The following PRKN variants were observed in gnomAD, a reference collection of about 807,000 sequenced individuals.
PRKN encodes parkin RBR E3 ubiquitin protein ligase.
In PRKN, 56 loss-of-function variants were observed where a neutral mutation model predicts 59.5. The ratio of observed to expected loss-of-function variants is 0.94; its 90% CI spans 0.76 to 1.18. PRKN has a LOEUF of 1.18. Among genes scored for constraint, PRKN ranks in the 50% most tolerant of loss-of-function variants. The pLI is 0.00. For missense variants in PRKN, 657 were observed against 596.4 expected (o/e 1.10, Z -1.06); for synonymous variants, 250 against 222.1 (o/e 1.13, Z -1.12).
chr6:162,202,285 A>G (rs1231378343), intron 3 of PRKN, among the ~76,000 whole-genome samples: 1 of 152,088 alleles, frequency 6.6e-6, no homozygotes, highest in Non-Finnish European at 1.5e-5. Context: ...AAAAATAATG[A>G]AAAAAATGAG....
At chr6:162,369,507 C>A (rs1266222838) in intron 2 of PRKN, among the ~76,000 whole-genome samples, 5 of 152,142 alleles carry the variant, frequency 3.3e-5, no homozygotes, top group African/African-American at 1.2e-4. Flanking sequence ...GTGGGTGATA[C>A]AATTGTACAC....
intron 1 of PRKN, among the ~76,000 whole-genome samples, chr6:162,516,033 C>A (rs1777839538): frequency 6.6e-6 from 1 of 152,212 alleles, no homozygotes; most frequent in South Asian, 2.1e-4. Context: ...CCCCAGTAAG[C>A]TGCTTCTTTG....
At chr6:161,985,392 A>G (rs1781398870) in intron 5 of PRKN, among the ~76,000 whole-genome samples, 1 of 152,136 alleles carries the variant, frequency 6.6e-6, no homozygotes, top group Non-Finnish European at 1.5e-5. Context: ...AACATGGAAT[A>G]TTTCCTTTTG....
chr6:162,689,248 T>C (rs944253953), intron 1 of PRKN, among the ~76,000 whole-genome samples: 3 of 152,220 alleles, frequency 2.0e-5, no homozygotes, highest in Admixed American at 1.3e-4. Flanking sequence ...GAGGGCATCA[T>C]TCTTACTGAA....
At chr6:162,032,303 C>A (rs1408860638) in intron 5 of PRKN, among the ~76,000 whole-genome samples, 2 of 151,986 alleles carry the variant, frequency 1.3e-5, no homozygotes, top group Non-Finnish European at 2.9e-5. Context: ...AACCACCAAG[C>A]AAAAACAAGG....
At chr6:161,564,239 A>G (rs1320152503) in intron 8 of PRKN, among the ~76,000 whole-genome samples, 1 of 152,186 alleles carries the variant, frequency 6.6e-6, no homozygotes, top group Non-Finnish European at 1.5e-5. Flanking sequence ...CCTAGAGGCC[A>G]GTAGGTCTTG....
intron 5 of PRKN, among the ~76,000 whole-genome samples, chr6:162,042,736 C>T (rs776214101): frequency 1.3e-5 from 2 of 152,144 alleles, no homozygotes; most frequent in Non-Finnish European, 2.9e-5. Flanking sequence ...AAAGTGTCTT[C>T]ATATATTGTA....
At chr6:162,382,712 T>C (rs927365191) in intron 2 of PRKN, among the ~76,000 whole-genome samples, 8 of 152,216 alleles carry the variant, frequency 5.3e-5, no homozygotes, top group Non-Finnish European at 8.8e-5. Context: ...GCTGCACTGA[T>C]TGGCTCTTTC....
intron 4 of PRKN, among the ~76,000 whole-genome samples, chr6:162,069,198 C>T (rs1778470022): frequency 6.6e-6 from 1 of 152,094 alleles, no homozygotes; most frequent in Non-Finnish European, 1.5e-5. Flanking sequence ...TGGTCTCTCT[C>T]GTGCTATTCT....
intron 1 of PRKN, among the ~76,000 whole-genome samples, chr6:162,632,084 G>A (rs537458397): frequency 3.3e-5 from 5 of 151,880 alleles, no homozygotes; most frequent in African/African-American, 1.2e-4. Context: ...CAGCCACTGT[G>A]GAAAGCAGTC....
intron 5 of PRKN, among the ~76,000 whole-genome samples, chr6:162,005,804 C>T (rs1025975816): frequency 3.3e-5 from 5 of 152,002 alleles, no homozygotes; most frequent in South Asian, 4.2e-4. Context: ...TTTAGAAAAC[C>T]GGTGCTAGAT....
intron 7 of PRKN, among the ~76,000 whole-genome samples, chr6:161,699,091 A>G (rs1272936666): frequency 1.3e-5 from 2 of 152,160 alleles, no homozygotes; most frequent in Non-Finnish European, 2.9e-5. Flanking sequence ...ATGCCTCACA[A>G]AAGAAGATAC....
intron 7 of PRKN, among the ~76,000 whole-genome samples, chr6:161,598,044 T>TA: frequency 6.6e-6 from 1 of 152,296 alleles, no homozygotes; most frequent in Admixed American, 6.5e-5. Flanking sequence ...AATTAAGAAC[T>TA]AGTTACTAGA....
At chr6:162,713,658 T>G (rs2128239162) in intron 1 of PRKN, among the ~76,000 whole-genome samples, 1 of 152,222 alleles carries the variant, frequency 6.6e-6, no homozygotes, top group Non-Finnish European at 1.5e-5. Context: ...TTCAGAAATT[T>G]AATAAAAAGA....
At chr6:161,998,760 T>TAAA (rs1781937326) in intron 5 of PRKN, among the ~76,000 whole-genome samples, 1 of 152,180 alleles carries the variant, frequency 6.6e-6, no homozygotes, top group East Asian at 1.9e-4. Context: ...CCAATCCCGT[T>TAAA]ATACATACTT....
intron 1 of PRKN, among the ~76,000 whole-genome samples, chr6:162,502,697 G>A (rs1015589311): frequency 4.0e-5 from 6 of 151,774 alleles, no homozygotes; most frequent in South Asian, 4.2e-4. Flanking sequence ...AATAACACAC[G>A]CTTTTCCTCA....
intron 7 of PRKN, among the ~76,000 whole-genome samples, chr6:161,574,909 G>C (rs1781071902): frequency 6.6e-6 from 1 of 152,164 alleles, no homozygotes; most frequent in South Asian, 2.1e-4. Context: ...CTTGACAAGA[G>C]CCTATTCTTC....
At chr6:162,413,847 A>G (rs914679790) in intron 2 of PRKN, among the ~76,000 whole-genome samples, 3 of 152,206 alleles carry the variant, frequency 2.0e-5, no homozygotes, top group Non-Finnish European at 2.9e-5. Flanking sequence ...AGACACAGGC[A>G]GGCTGCTATG....
At chr6:162,568,865 G>A (rs1780196519) in intron 1 of PRKN, 8 of 712,644 alleles carry the variant, frequency 1.1e-5, no homozygotes, top group Non-Finnish European at 1.8e-5. Flanking sequence ...AGATCAATAA[G>A]TGTACAGAGA....
Sources: allele counts gnomAD v4.1 joint callset (sites outside exome capture counted in the v4.1 genomes callset), GRCh38; gene constraint gnomAD v4.1.1; transcripts MANE v1.5; gene names NCBI Gene and HGNC (gene_info 2026-07-23, HGNC 2026-07-21).